Variants in PLEKHA7 observed in about 807,000 individuals in gnomAD.
PLEKHA7 encodes pleckstrin homology domain-containing family A member 7.
A neutral mutation model predicts 170.0 loss-of-function variants in PLEKHA7; 104 were observed. The observed-to-expected ratio is 0.61, with a 90% CI of 0.52 to 0.72. PLEKHA7 has a LOEUF of 0.72. PLEKHA7 is among the 30% of genes least tolerant of loss of function. The pLI is 0.00. For synonymous variants in PLEKHA7, 648 were observed against 660.8 expected (o/e 0.98, Z 0.30); for missense variants, 1,615 against 1,671.7 (o/e 0.97, Z 0.59).
At chr11:16,977,924 C>T (rs890460693) in intron 3 of PLEKHA7, among the ~76,000 whole-genome samples, 3 of 152,146 alleles carry the variant, frequency 2.0e-5, no homozygotes, top group Admixed American at 6.5e-5. Context: ...AACAAGACAA[C>T]ATCAGGGGCC....
intron 3 of PLEKHA7, among the ~76,000 whole-genome samples, chr11:16,940,281 G>GTTTTTT (rs71047516): frequency 9.1e-6 from 1 of 110,408 alleles, no homozygotes; most frequent in Non-Finnish European, 1.9e-5. Context: ...TTCTTCTGCT[G>GTTTTTT]TTTTTTTTTT....
At chr11:16,936,382 A>G (rs1860294083) in intron 3 of PLEKHA7, among the ~76,000 whole-genome samples, 1 of 125,726 alleles carries the variant, frequency 8.0e-6, no homozygotes, top group South Asian at 2.9e-4. Context: ...AGCCTGGGAA[A>G]TAGCGTGAGA....
intron 10 of PLEKHA7, among the ~76,000 whole-genome samples, chr11:16,824,802 T>C (rs538160801): frequency 1.3e-5 from 2 of 152,286 alleles, no homozygotes; most frequent in South Asian, 4.1e-4. Context: ...TACTTTGGAG[T>C]ATGAGGACCT....
chr11:16,829,890 TTTG>T (rs1255084907), intron 9 of PLEKHA7, among the ~76,000 whole-genome samples: 1 of 152,186 alleles, frequency 6.6e-6, no homozygotes, highest in African/African-American at 2.4e-5. Context: ...AGGTTTTAGC[TTTG>T]TCTTTCCTTT....
intron 3 of PLEKHA7, among the ~76,000 whole-genome samples, chr11:16,907,207 G>T (rs1387190251): frequency 1.1e-4 from 10 of 95,168 alleles, no homozygotes; most frequent in South Asian, 3.8e-4. Context: ...CCGGGAGGGA[G>T]GTGGGGGGGT....
At chr11:16,838,043 G>A (rs951357671) in intron 9 of PLEKHA7, among the ~76,000 whole-genome samples, 17 of 152,162 alleles carry the variant, frequency 1.1e-4, no homozygotes, top group Admixed American at 5.2e-4. Context: ...TTTCAAAGAA[G>A]AGGAAAAACA....
Position 16,851,204 on chromosome 11 carries a change from T to C in PLEKHA7, c.683A>G (p.Lys228Arg). Reference sequence around the variant, plus strand: ...CAGGGGCAGTACCTTAAAGGAATATTTGCGGCTTATGCGATCCTCAGGGGC... The same window carrying C: ...CAGGGGCAGTACCTTAAAGGAATATCTGCGGCTTATGCGATCCTCAGGGGC... ...PVAPEDRISR[K>R]YSFKAVHTGM... Residue 228 changes from lysine to arginine, a missense_variant, in exon 8 of 27, where the codon AAA becomes AGA. By Grantham distance (26) the Lys-to-Arg change is conservative (BLOSUM62 2). Coordinates refer to ENST00000531066, the MANE Select transcript of PLEKHA7 (RefSeq NM_001329630.2). 2 of 1,608,056 alleles carry C rather than the reference T, an allele frequency of 1.2e-6. No individual in the cohort carries two copies. The highest frequency in any genetic ancestry group is 1.7e-6 in the Non-Finnish European group (2 of 1,176,940).
intron 26 of PLEKHA7, 61 bp downstream of exon 26, chr11:16,782,693 C>T: frequency 6.6e-7 from 1 of 1,523,988 alleles, no homozygotes; most frequent in African/African-American, 1.4e-5. Context: ...CCATGCTGGG[C>T]CCAAGCCCAC....
chr11:16,980,727 G>T (rs1312228127), intron 3 of PLEKHA7, among the ~76,000 whole-genome samples: 1 of 152,062 alleles, frequency 6.6e-6, no homozygotes, highest in African/African-American at 2.4e-5. Flanking sequence ...GTTGAGACCA[G>T]CCTGGCCAAC....
chr11:16,828,137 G>C (rs1035726652), intron 9 of PLEKHA7, among the ~76,000 whole-genome samples: 9 of 152,158 alleles, frequency 5.9e-5, no homozygotes, highest in African/African-American at 1.9e-4. Flanking sequence ...TAGGCAGAGT[G>C]ATATGGTTTG....
Position 16,817,365 on chromosome 11 carries a change from G to A in PLEKHA7, c.1344-43C>T, listed in dbSNP as rs1849851170. 6.5e-7 allele frequency: 1 copy of A among 1,544,252 alleles called. No homozygotes were observed. The highest frequency in any genetic ancestry group is 8.7e-7 in the Non-Finnish European group (1 of 1,145,250). ...GAACGGGTCAGGCAACCAAGCGAGGGTTCTGCAGGCTTTGGGGAACATATC... is the reference window on the plus strand; with the variant it reads ...GAACGGGTCAGGCAACCAAGCGAGGATTCTGCAGGCTTTGGGGAACATATC... On this transcript the variant is annotated intron_variant, in intron 10 of 26. Transcript: ENST00000531066. This position sits in a 1 kb window ranked among gnomAD's most constrained non-coding sequence, Gnocchi z 4.4.
intron 3 of PLEKHA7, among the ~76,000 whole-genome samples, chr11:16,961,164 C>G (rs893042836): frequency 3.3e-5 from 5 of 152,248 alleles, no homozygotes; most frequent in African/African-American, 1.2e-4. Flanking sequence ...TCGGGTCATT[C>G]AGCGAAGTTT....
Position 16,944,840 on chromosome 11 carries a change from A to G in PLEKHA7, c.221+69149T>C, listed in dbSNP as rs909883531. 4.6e-5 allele frequency among the ~76,000 whole-genome samples: 7 copies of G among 152,382 alleles called. No individual in the cohort carries two copies. In the South Asian group the frequency reaches 1.5e-3, roughly 32 times the overall value. On this transcript the variant is annotated intron_variant, in intron 3 of 26. Coordinates refer to ENST00000531066, the MANE Select transcript of PLEKHA7 (RefSeq NM_001329630.2). Reference sequence around the variant, plus strand: ...ATTTATTAAGCATTTACTATGTTTCACAAATATACATTATCTCATTAATGA... The same window carrying G: ...ATTTATTAAGCATTTACTATGTTTCGCAAATATACATTATCTCATTAATGA...
chr11:16,924,981 C>G (rs1013968703), intron 3 of PLEKHA7, among the ~76,000 whole-genome samples: 17 of 152,248 alleles, frequency 1.1e-4, no homozygotes, highest in African/African-American at 4.1e-4. Flanking sequence ...GAAACCAGAG[C>G]TGTCACAGGC....
chr11:16,981,007 C>A (rs924603241), intron 3 of PLEKHA7, among the ~76,000 whole-genome samples: 3 of 152,164 alleles, frequency 2.0e-5, no homozygotes, highest in Non-Finnish European at 4.4e-5. Context: ...GCCTTTGATA[C>A]CTTCAATAAA....
At position 16,789,906 on chromosome 11, in the gene PLEKHA7, T is replaced by C. The variant is rs749739619; in HGVS notation, c.3053-28A>G. On this transcript the variant is annotated intron_variant, in intron 21 of 26. Coordinates refer to ENST00000531066, the MANE Select transcript of PLEKHA7 (RefSeq NM_001329630.2). This position sits in a 1 kb window ranked among gnomAD's most constrained non-coding sequence, Gnocchi z 4.6. ...TAGTGAGGAAAGAGAAGTGCAAGCA[T>C]GTTTGTGCTGGGGTGGATGGGTCCC... The C allele has an allele frequency of 6.3e-7, 1 of 1,594,130 alleles. No homozygotes were observed. Among genetic ancestry groups the C allele is most frequent in the Non-Finnish European group, 8.6e-7 (1 of 1,162,102 alleles).
At chr11:16,860,721 G>A (rs1349331319) in intron 4 of PLEKHA7, among the ~76,000 whole-genome samples, 1 of 152,138 alleles carries the variant, frequency 6.6e-6, no homozygotes, top group African/African-American at 2.4e-5. Flanking sequence ...CCTATGGCAG[G>A]TCCCAAGGTC....
chr11:16,818,467 C>T (rs887378342), intron 10 of PLEKHA7, among the ~76,000 whole-genome samples: 4 of 152,242 alleles, frequency 2.6e-5, no homozygotes, highest in African/African-American at 9.6e-5. Context: ...TACTCATTCT[C>T]TAGGATGCTG....
At chr11:16,838,400 CTA>C (rs1851685061) in intron 9 of PLEKHA7, among the ~76,000 whole-genome samples, 1 of 151,656 alleles carries the variant, frequency 6.6e-6, no homozygotes, top group Non-Finnish European at 1.5e-5. Flanking sequence ...GAGGTCCCAG[CTA>C]CTAGGGAGGC....
Sources: gnomAD v4.1 joint callset for allele counts (sites outside exome capture counted in the v4.1 genomes callset) on GRCh38, gnomAD v4.1.1 for gene constraint, Gnocchi (gnomAD v3.1) non-coding constraint, MANE v1.5 for transcripts, NCBI Gene and HGNC (gene_info 2026-07-23, HGNC 2026-07-21) for gene names.